The following PLEC variants were observed in gnomAD, a reference collection of about 807,000 sequenced individuals.
PLEC encodes plectin.
In PLEC, 216 loss-of-function variants were observed where a neutral mutation model predicts 392.8. The observed-to-expected ratio is 0.55, with a 90% CI of 0.49 to 0.62. The LOEUF (loss-of-function observed/expected upper bound fraction) is 0.62, where lower values mean the gene tolerates loss of function less well. Among genes scored for constraint, PLEC ranks in the 20% least tolerant of loss-of-function variants. The probability of loss-of-function intolerance (pLI) is 0.00; values close to 1 mark genes in which losing one functional copy is unlikely to be tolerated. For missense variants in PLEC, 6,863 were observed against 6,563.4 expected (o/e 1.05, Z -1.58); for synonymous variants, 3,621 against 2,980.6 (o/e 1.21, Z -7.00).
At chr8:143,943,214 G>A (rs915124206), upstream of PLEC, among the ~76,000 whole-genome samples, 3 of 152,228 alleles carry the variant, frequency 2.0e-5, no homozygotes, top group Non-Finnish European at 4.4e-5. Flanking sequence ...CAGTCCCTCT[G>A]GCCAGAAGCC....
In PLEC at chr8:143,918,992, G is replaced by C; in HGVS notation, c.10829C>G (p.Ala3610Gly). Residue 3610 changes from alanine (A) to glycine (G), a missense_variant, in exon 32 of 32, where the codon GCC (alanine) becomes GGC (glycine). Transcript: ENST00000345136. The part of the protein sequence containing the change: ...QRAQLMADFQ[A>G]GRVTKERMII... ...CATGCGTTCCTTGGTCACCCGGCCG[G>C]CCTGGAAGTCAGCCATCAGCTGGGC... is the stretch of plus-strand genomic sequence containing the variant. 6.2e-7 allele frequency: 1 copy of C among 1,611,172 alleles called. No homozygotes were observed.
chr8:143,923,869 C>G lies in PLEC; in HGVS notation c.6060G>C (p.Glu2020Asp), dbSNP rs782007606. The G allele has an allele frequency of 1.5e-5, 24 of 1,594,124 alleles. No homozygotes were observed. Among genetic ancestry groups the G allele is most frequent in the Non-Finnish European group, 1.9e-5 (22 of 1,177,806 alleles). ...CCGCTCGCTCCCGCAGGCGCCGCGC[C>G]TCCTCCACCTTGGCTTTCAGCCGCT... ...EVERLKAKVE[E>D]ARRLRERAEQ... Residue 2020 changes from glutamate (E) to aspartate (D), a missense_variant, in exon 31 of 32, where the codon GAG becomes GAC. Glu to Asp is a conservative substitution (Grantham distance 45, BLOSUM62 2). Coordinates refer to ENST00000345136, the MANE Select transcript of PLEC (RefSeq NM_201384.3).
upstream of PLEC, among the ~76,000 whole-genome samples, chr8:143,951,337 C>T (rs1486883976): frequency 4.0e-5 from 6 of 151,864 alleles, no homozygotes; most frequent in African/African-American, 7.3e-5. Context: ...GAGGCTTGAG[C>T]GGAGAGGACT....
At chr8:143,940,306 G>A (rs1204043526), upstream of PLEC, among the ~76,000 whole-genome samples, 7 of 152,206 alleles carry the variant, frequency 4.6e-5, 1 homozygote, top group South Asian at 4.1e-4. Flanking sequence ...GCTGACTCAC[G>A]GAGGCCGGGC....
At position 143,917,400 on chromosome 8, in the gene PLEC, C is replaced by G; in HGVS notation, c.12421G>C (p.Val4141Leu). The change falls in exon 32 of 32, where the codon GTG becomes CTG. Residue 4141 changes from valine to leucine, a missense_variant. By Grantham distance (32) the Val-to-Leu change is conservative. Coordinates refer to ENST00000345136, the MANE Select transcript of PLEC (RefSeq NM_201384.3). ...CCCGTCTCGGGGTCCACGATGACCA[C>G]TCGGCGCTTGCGCACGGAGGACTTG... ...SSKSSVRKRR[V>L]VIVDPETGKE... The G allele has an allele frequency of 1.2e-6, 2 of 1,612,450 alleles. No individual in the cohort carries two copies. The highest frequency in any genetic ancestry group is 1.7e-6 in the Non-Finnish European group (2 of 1,180,006).
At chr8:143,952,608 G>A (rs1832304041), upstream of PLEC, among the ~76,000 whole-genome samples, 1 of 151,752 alleles carries the variant, frequency 6.6e-6, no homozygotes, top group South Asian at 2.1e-4. Flanking sequence ...GCATCTTCCT[G>A]GCCTGATTCC....
At chr8:143,952,179 CAA>C (rs1394351136), upstream of PLEC, among the ~76,000 whole-genome samples, 338 of 84,870 alleles carry the variant, frequency 4.0e-3, no homozygotes, top group African/African-American at 0.015. Flanking sequence ...GTGCAGGCTC[CAA>C]ACACACACAC....
At chr8:143,952,220 A>ACGCGCGCG (rs1554737431), upstream of PLEC, among the ~76,000 whole-genome samples, 446 of 139,878 alleles carry the variant, frequency 3.2e-3, no homozygotes, top group Non-Finnish European at 5.8e-3. Flanking sequence ...GCGCGCACAC[A>ACGCGCGCG]CGCACGCGCA....
intron 5 of PLEC, among the ~76,000 whole-genome samples, chr8:143,936,766 G>T (rs116642144): frequency 7.2e-5 from 11 of 152,330 alleles, no homozygotes; most frequent in African/African-American, 2.6e-4. Flanking sequence ...GGCACGGATA[G>T]GTGGCCTCAG....
intron 3 of PLEC, among the ~76,000 whole-genome samples, 183 bp from the exon 4 acceptor site, chr8:143,937,425 C>A (rs1829350984): frequency 6.6e-6 from 1 of 152,170 alleles, no homozygotes; most frequent in African/African-American, 2.4e-5. Context: ...CCAGGCCAGG[C>A]CCATCAGGGC....
At chr8:143,941,860 G>A (rs917281827), upstream of PLEC, among the ~76,000 whole-genome samples, 9 of 152,230 alleles carry the variant, frequency 5.9e-5, no homozygotes, top group Admixed American at 2.6e-4. Flanking sequence ...GCTGTCCAGG[G>A]CTGCTGACCC....
At position 143,938,247 on chromosome 8, in the gene PLEC, G is replaced by C. The variant is rs782123117; in HGVS notation, c.175-7C>G. 1 of 1,588,692 alleles carries C rather than the reference G, an allele frequency of 6.3e-7. No individual in the cohort carries two copies. Among genetic ancestry groups the C allele is most frequent in the South Asian group, 1.1e-5 (1 of 88,080 alleles). ...CACTGATGTGCCTCTGGGCCTGTGG[G>C]GACAGCAGCGGCTGAGGTGGCCAGT... On this transcript the variant is annotated splice_region_variant and splice_polypyrimidine_tract_variant and intron_variant, in intron 2 of 31. Transcript: ENST00000345136.
At position 143,931,267 on chromosome 8, in the gene PLEC, G is replaced by A. The variant is rs551442706; in HGVS notation, c.2304+267C>T. Among the ~76,000 whole-genome samples, 8 of 152,080 alleles carry A rather than the reference G, an allele frequency of 5.3e-5. No individual in the cohort carries two copies. The South Asian group carries it at 1.5e-3, about 28-fold the overall frequency. ...GCTGCCTCTCGGCTCCCCACATCCT[G>A]CCTCATTCCCCCCTTGGCTGACCTC... On this transcript the variant is annotated intron_variant, in intron 19 of 31. Transcript: ENST00000345136.
upstream of PLEC, among the ~76,000 whole-genome samples, chr8:143,941,496 T>C (rs1830441539): frequency 1.3e-5 from 2 of 151,652 alleles, no homozygotes. Flanking sequence ...CGGGCAAGGC[T>C]GGGACCGGGT....
intron 1 of PLEC, among the ~76,000 whole-genome samples, chr8:143,961,494 G>A (rs1832872001): frequency 6.6e-6 from 1 of 152,132 alleles, no homozygotes; most frequent in African/African-American, 2.4e-5. Context: ...AAAGTGTTGG[G>A]ATTACAGGCG....
chr8:143,938,498 A>C, intron 2 of PLEC, 133 bp downstream of exon 2: 1 of 1,562,870 alleles, frequency 6.4e-7, no homozygotes, highest in South Asian at 1.1e-5. Flanking sequence ...AGAGGACAGA[A>C]AATAACAGGT....
upstream of PLEC, among the ~76,000 whole-genome samples, chr8:143,952,200 ACACACACACG>A (rs1458086145): frequency 7.9e-5 from 10 of 125,790 alleles, no homozygotes; most frequent in African/African-American, 3.1e-4. Flanking sequence ...ACACACACAC[ACACACACACG>A]CGCGCACACA....
At position 143,922,522 on chromosome 8, in the gene PLEC, C is replaced by A. The variant is rs1472405455; in HGVS notation, c.7407G>T (p.Leu2469=). The A allele has an allele frequency of 1.2e-5, 20 of 1,610,776 alleles. No individual in the cohort carries two copies. Among genetic ancestry groups the A allele is most frequent in the Non-Finnish European group, 1.6e-5 (19 of 1,180,028 alleles). ...KEKLQQEAKL[L]QLKSEEMQTV... Reference sequence around the variant, plus strand: ...GCGGTACCTCCTCAGACTTGAGCTGCAGCAGTTTGGCCTCCTGTTGGAGCT... The same window carrying A: ...GCGGTACCTCCTCAGACTTGAGCTGAAGCAGTTTGGCCTCCTGTTGGAGCT... Residue 2469 remains leucine (L), a synonymous_variant, in exon 31 of 32, where the codon CTG becomes CTT. Transcript: ENST00000345136.
chr8:143,937,752 G>T, intron 3 of PLEC: 1 of 498,918 alleles, frequency 2.0e-6, no homozygotes, highest in South Asian at 1.5e-5. Context: ...CACTCACCAG[G>T]CGTGAGCTCC....
Sources: gnomAD v4.1 joint callset for allele counts (sites outside exome capture counted in the v4.1 genomes callset) on GRCh38, gnomAD v4.1.1 for gene constraint, MANE v1.5 for transcripts, NCBI Gene and HGNC (gene_info 2026-07-23, HGNC 2026-07-21) for gene names.